TM6SF1: variants seen among roughly 807,000 people sequenced by gnomAD.
The protein encoded by TM6SF1 is transmembrane 6 superfamily member 1.
A neutral mutation model predicts 47.1 loss-of-function variants in TM6SF1; 43 were observed. The ratio of observed to expected loss-of-function variants is 0.91; its 90% CI spans 0.72 to 1.18. TM6SF1 has a LOEUF of 1.18. TM6SF1 is among the 50% of genes most tolerant of loss of function. The pLI is 0.00. For missense variants in TM6SF1, 390 were observed against 449.0 expected (o/e 0.87, Z 1.19); for synonymous variants, 177 against 166.3 (o/e 1.06, Z -0.49).
intron 3 of TM6SF1, among the ~76,000 whole-genome samples, 164 bp from the exon 4 acceptor site, chr15:83,119,414 G>A (rs1779106804): frequency 6.6e-6 from 1 of 152,218 alleles, no homozygotes. Context: ...CAGCTCCAGC[G>A]TAAAGTTGTA....
intron 4 of TM6SF1, among the ~76,000 whole-genome samples, chr15:83,120,743 C>T (rs1288799281): frequency 6.6e-6 from 1 of 151,900 alleles, no homozygotes; most frequent in Non-Finnish European, 1.5e-5. Flanking sequence ...TTTTAGTACA[C>T]AAATCTAAAC....
intron 1 of TM6SF1, among the ~76,000 whole-genome samples, chr15:83,110,410 G>T (rs772277516): frequency 2.0e-5 from 3 of 152,174 alleles, no homozygotes; most frequent in Non-Finnish European, 4.4e-5. Context: ...TTGTAGGAGG[G>T]TCTCTGGGGA....
rs201104135 is a variant in TM6SF1, at chr15:83,112,883, G to A, written c.179G>A (p.Arg60Gln). The change falls in exon 2 of 10, where the codon CGG (arginine) becomes CAG (glutamine). Residue 60 changes from arginine to glutamine, a missense_variant. By Grantham distance (43) the Arg-to-Gln change is conservative. Transcript: ENST00000322019. ...ARVLVKRKPPRDPLFYVYAVF... is the reference protein window; with the variant it reads ...ARVLVKRKPPQDPLFYVYAVF... The stretch of plus-strand genomic sequence containing the variant: ...GTCCTCGTCAAAAGAAAACCACCCC[G>A]GGACCCACTGTTCTATGGTACGTCT... The A allele has an allele frequency of 2.9e-5, 46 of 1,613,628 alleles. No individual in the cohort carries two copies. The highest frequency in any genetic ancestry group is 3.6e-5 in the Non-Finnish European group (42 of 1,179,702).
chr15:83,136,250 C>T (rs566582173), intron 9 of TM6SF1: 44 of 373,528 alleles, frequency 1.2e-4, no homozygotes, highest in African/African-American at 7.7e-4. Context: ...TAAATAATAT[C>T]TACTTTATTT....
intron 9 of TM6SF1, 53 bp from the exon 10 acceptor site, chr15:83,136,428 T>C (rs2036610901): frequency 1.3e-6 from 2 of 1,494,074 alleles, no homozygotes. Context: ...TCATCATGCA[T>C]CCAACTGAAC....
At chr15:83,125,367 T>G (rs892772091) in intron 7 of TM6SF1, among the ~76,000 whole-genome samples, 1 of 152,230 alleles carries the variant, frequency 6.6e-6, no homozygotes, top group African/African-American at 2.4e-5. Context: ...CTGCAGAGGT[T>G]AGGAAAAAGA....
intron 1 of TM6SF1, among the ~76,000 whole-genome samples, chr15:83,108,969 C>A (rs1176076925): frequency 6.6e-6 from 1 of 152,082 alleles, no homozygotes; most frequent in African/African-American, 2.4e-5. Flanking sequence ...CATGGGGGAC[C>A]CTGTGCTCCA....
At chr15:83,114,674 T>G (rs2034495639) in intron 2 of TM6SF1, 1 of 152,452 alleles carries the variant, frequency 6.6e-6, no homozygotes, top group South Asian at 2.1e-4. Flanking sequence ...CCCACACTCC[T>G]CTCCATTTCT....
intron 1 of TM6SF1, among the ~76,000 whole-genome samples, chr15:83,108,876 C>A (rs2033904533): frequency 6.6e-6 from 1 of 152,236 alleles, no homozygotes; most frequent in Non-Finnish European, 1.5e-5. Flanking sequence ...AGTGTCTACC[C>A]TTGGTCTGGC....
chr15:83,119,739 G>GT, intron 4 of TM6SF1, 58 bp downstream of exon 4: 5 of 1,609,334 alleles, frequency 3.1e-6, no homozygotes, highest in Non-Finnish European at 4.2e-6. Context: ...AAGCGGGTAT[G>GT]TAAGGAAACG....
At position 83,136,559 on chromosome 15, in the gene TM6SF1, C is replaced by A. The variant is rs1396836016; in HGVS notation, c.1000C>A (p.Leu334Ile). ...VYRVPEEAKI[L>I]FLALNIAYGV... ...CAGAGTCCCTGAAGAAGCAAAAATC[C>A]TTTTTTTAGCATTAAACATAGCATA... The change falls in exon 10 of 10, where the codon CTT (leucine) becomes ATT (isoleucine). Residue 334 changes from leucine (L) to isoleucine (I), a missense_variant. Leu to Ile is a conservative substitution (Grantham distance 5, BLOSUM62 2). Coordinates refer to ENST00000322019, the MANE Select transcript of TM6SF1 (RefSeq NM_023003.5). 4 of 1,613,586 alleles carry A rather than the reference C, an allele frequency of 2.5e-6. No homozygotes were observed. In the African/African-American group the frequency reaches 4.0e-5, roughly 16 times the overall value.
intron 1 of TM6SF1, among the ~76,000 whole-genome samples, chr15:83,109,004 G>T (rs557655793): frequency 1.4e-4 from 21 of 152,246 alleles, no homozygotes; most frequent in Non-Finnish European, 2.6e-4. Context: ...GGGTAGTTCA[G>T]TGAAGATATA....
chr15:83,132,371 A>G (rs962958281), intron 9 of TM6SF1: 1 of 152,232 alleles, frequency 6.6e-6, no homozygotes, highest in Non-Finnish European at 1.5e-5. Context: ...CAGACTCACC[A>G]TGGGCTTGGT....
chr15:83,113,837 C>T (rs2034413059), intron 2 of TM6SF1: 1 of 152,248 alleles, frequency 6.6e-6, no homozygotes, highest in Non-Finnish European at 1.5e-5. Context: ...CCATCTTACT[C>T]CCACCCATAT....
intron 4 of TM6SF1, among the ~76,000 whole-genome samples, chr15:83,120,581 CTAAT>C (rs1183018200): frequency 3.7e-4 from 55 of 150,218 alleles, no homozygotes; most frequent in African/African-American, 1.2e-3. Context: ...TCAGCTCCAG[CTAAT>C]TCTTTTTTTT....
intron 6 of TM6SF1, 61 bp from the exon 7 acceptor site, chr15:83,124,611 C>A: frequency 7.8e-7 from 1 of 1,275,622 alleles, no homozygotes; most frequent in Non-Finnish European, 1.1e-6. Context: ...TTTAATGTTT[C>A]AGATTTCAGA....
intron 6 of TM6SF1, among the ~76,000 whole-genome samples, 169 bp downstream of exon 6, chr15:83,123,047 CAAG>C (rs1233641996): frequency 6.6e-6 from 1 of 152,188 alleles, no homozygotes; most frequent in East Asian, 1.9e-4. Context: ...TTAATGTAGG[CAAG>C]AAGGTCTGTT....
chr15:83,107,971 C>A lies in TM6SF1; in HGVS notation c.92+199C>A. On this transcript the variant is annotated intron_variant, in intron 1 of 9. Transcript: ENST00000322019. This position sits in a 1 kb window ranked among gnomAD's most constrained non-coding sequence, Gnocchi z 5.6. ...CACGGGCCGGGTCTTGGAGCCGGGC[C>A]CTGAGGTGCCCAGGCTGGCGCATTT... is the stretch of plus-strand genomic sequence containing the variant. 1.8e-6 allele frequency: 2 copies of A among 1,100,158 alleles called. No homozygotes were observed. Among genetic ancestry groups the A allele is most frequent in the Non-Finnish European group, 2.4e-6 (2 of 849,398 alleles). 68.1% of individuals were successfully genotyped at this position (1,100,158 alleles called of 1,614,324 possible).
intron 9 of TM6SF1, chr15:83,134,109 A>G (rs906544734): frequency 5.9e-5 from 9 of 152,222 alleles, no homozygotes; most frequent in African/African-American, 2.2e-4. Context: ...TTTGACAGTC[A>G]CAAGTCCATT....
Sources: gnomAD v4.1 joint callset for allele counts (sites outside exome capture counted in the v4.1 genomes callset) on GRCh38, gnomAD v4.1.1 for gene constraint, Gnocchi (gnomAD v3.1) non-coding constraint, MANE v1.5 for transcripts, NCBI Gene and HGNC (gene_info 2026-07-23, HGNC 2026-07-21) for gene names.